Variants in AGBL1 observed in about 807,000 individuals in gnomAD.
AGBL1 encodes AGBL carboxypeptidase 1.
A neutral mutation model predicts 118.9 loss-of-function variants in AGBL1; 130 were observed. The observed-to-expected ratio is 1.09, with a 90% CI of 0.95 to 1.26. The LOEUF (loss-of-function observed/expected upper bound fraction) is 1.26, where lower values mean the gene tolerates loss of function less well. Ranked by LOEUF, AGBL1 falls within the 50% of genes most tolerant of loss-of-function variation. The pLI, the probability that AGBL1 is intolerant of heterozygous loss-of-function variation, is 0.00. For missense variants in AGBL1, 1,584 were observed against 1,298.1 expected (o/e 1.22, Z -3.38); for synonymous variants, 555 against 478.9 (o/e 1.16, Z -2.08).
intron 21 of AGBL1, among the ~76,000 whole-genome samples, chr15:86,607,753 T>C (rs1394621866): frequency 6.6e-6 from 1 of 152,126 alleles, no homozygotes; most frequent in Non-Finnish European, 1.5e-5. Flanking sequence ...CTTTTAAAAA[T>C]TGGGTTATTT....
chr15:86,757,587 G>T (rs1388288706), intron 22 of AGBL1, among the ~76,000 whole-genome samples: 3 of 152,078 alleles, frequency 2.0e-5, no homozygotes, highest in Non-Finnish European at 4.4e-5. Context: ...GATTCACATA[G>T]CTCTGGAGTG....
intron 22 of AGBL1, among the ~76,000 whole-genome samples, chr15:86,758,333 T>A (rs1377407447): frequency 6.6e-6 from 1 of 152,112 alleles, no homozygotes; most frequent in East Asian, 1.9e-4. Context: ...AATCTACTCA[T>A]TATCTTAATT....
chr15:86,133,705 A>G (rs1232777532), intron 1 of AGBL1, among the ~76,000 whole-genome samples: 2 of 152,220 alleles, frequency 1.3e-5, no homozygotes, highest in South Asian at 2.1e-4. Context: ...ACAATTCATT[A>G]TATAAGACTC....
At chr15:86,757,114 C>T (rs6496360) in intron 22 of AGBL1, among the ~76,000 whole-genome samples, 20,165 of 151,958 alleles carry the variant, frequency 0.13, 1,598 homozygotes, top group Non-Finnish European at 0.18. Context: ...TTATAAATTC[C>T]TATCATCTCT....
intron 4 of AGBL1, among the ~76,000 whole-genome samples, chr15:86,157,565 C>T (rs1867472): frequency 0.32 from 48,263 of 152,006 alleles, 7,977 homozygotes; most frequent in East Asian, 0.45. Context: ...TCTAAGCCTA[C>T]GTTGATTGTA....
At chr15:86,966,067 C>T (rs1397834778) in intron 23 of AGBL1, among the ~76,000 whole-genome samples, 1 of 151,892 alleles carries the variant, frequency 6.6e-6, no homozygotes, top group African/African-American at 2.4e-5. Flanking sequence ...TTTTTGAGGT[C>T]ACTGGCAATA....
intron 17 of AGBL1, among the ~76,000 whole-genome samples, chr15:86,350,335 A>G (rs913594333): frequency 6.6e-6 from 1 of 152,252 alleles, no homozygotes; most frequent in Admixed American, 6.5e-5. Flanking sequence ...TTAAAGCCCA[A>G]AATGTATCAA....
At chr15:86,355,417 G>A (rs545321580) in intron 17 of AGBL1, among the ~76,000 whole-genome samples, 4 of 152,228 alleles carry the variant, frequency 2.6e-5, no homozygotes, top group African/African-American at 4.8e-5. Flanking sequence ...GAAGCATGAT[G>A]CATTTTGATC....
At chr15:86,170,927 A>G (rs1001022271) in intron 5 of AGBL1, among the ~76,000 whole-genome samples, 4 of 152,126 alleles carry the variant, frequency 2.6e-5, no homozygotes, top group African/African-American at 9.7e-5. Context: ...AAAGGAAAAA[A>G]GATGCATTAT....
intron 21 of AGBL1, among the ~76,000 whole-genome samples, chr15:86,618,003 A>G (rs561511219): frequency 6.6e-6 from 1 of 152,300 alleles, no homozygotes; most frequent in Admixed American, 6.5e-5. Context: ...TAAGGTAGAA[A>G]CTGAGCAGGG....
At chr15:86,244,251 T>G (rs1377826396) in intron 6 of AGBL1, among the ~76,000 whole-genome samples, 1 of 152,060 alleles carries the variant, frequency 6.6e-6, no homozygotes. Context: ...CCCTCTCACA[T>G]CTCTCAACTC....
At chr15:86,880,882 C>T (rs532434440) in intron 22 of AGBL1, among the ~76,000 whole-genome samples, 1 of 152,194 alleles carries the variant, frequency 6.6e-6, no homozygotes, top group Non-Finnish European at 1.5e-5. Flanking sequence ...CCTGTTACAG[C>T]CTCCGTGGTT....
At chr15:86,955,182 T>A (rs533146090) in intron 23 of AGBL1, among the ~76,000 whole-genome samples, 17 of 152,178 alleles carry the variant, frequency 1.1e-4, no homozygotes, top group Middle Eastern at 6.8e-3. Flanking sequence ...CCAGTACAAA[T>A]TTACTAAAAA....
At position 86,615,827 on chromosome 15, in the gene AGBL1, A is replaced by C. The variant is rs571867350; in HGVS notation, c.2995-58446A>C. ...TCTGGAAGCAGATGGAAACTCAGGG[A>C]AAGACTGTTGTAAAATGAAAAATTA... On this transcript the variant is annotated intron_variant, in intron 21 of 22. Transcript: ENST00000614907. The surrounding 1 kb of genome is among the most constrained non-coding windows in gnomAD (Gnocchi z 4.3). Among the ~76,000 whole-genome samples, 13 of 152,322 alleles carry C rather than the reference A, an allele frequency of 8.5e-5. No individual in the cohort carries two copies. The highest frequency in any genetic ancestry group is 3.1e-4 in the African/African-American group (13 of 41,568).
intron 22 of AGBL1, among the ~76,000 whole-genome samples, chr15:86,836,895 T>A (rs1471073541): frequency 6.6e-6 from 1 of 152,196 alleles, no homozygotes; most frequent in Admixed American, 6.5e-5. Flanking sequence ...TTTGTTTCCT[T>A]TATGCTAATT....
chr15:86,693,900 G>T (rs1383612894), intron 22 of AGBL1, among the ~76,000 whole-genome samples: 3 of 151,978 alleles, frequency 2.0e-5, no homozygotes, highest in Admixed American at 6.6e-5. Context: ...AGGTCAGTTT[G>T]CTGTAAGTAT....
intron 22 of AGBL1, among the ~76,000 whole-genome samples, chr15:86,759,821 A>C (rs1482026915): frequency 6.6e-6 from 1 of 152,178 alleles, no homozygotes; most frequent in Non-Finnish European, 1.5e-5. Flanking sequence ...GCAACAATAG[A>C]AACATTTATT....
intron 1 of AGBL1, among the ~76,000 whole-genome samples, chr15:86,109,031 G>A (rs1445292483): frequency 6.6e-6 from 1 of 152,164 alleles, no homozygotes; most frequent in Non-Finnish European, 1.5e-5. Flanking sequence ...TCATATTTAA[G>A]GTCCTTCTCT....
chr15:86,602,436 A>G (rs139805016), intron 21 of AGBL1, among the ~76,000 whole-genome samples: 3 of 152,332 alleles, frequency 2.0e-5, no homozygotes, highest in East Asian at 3.9e-4. Context: ...AAAGAAATTC[A>G]TCCTCATTTC....
Sources: allele counts gnomAD v4.1 joint callset (sites outside exome capture counted in the v4.1 genomes callset), GRCh38; gene constraint gnomAD v4.1.1; non-coding constraint Gnocchi (gnomAD v3.1); transcripts MANE v1.5; gene names NCBI Gene and HGNC (gene_info 2026-07-23, HGNC 2026-07-21).